PLPP4: variants seen among roughly 807,000 people sequenced by gnomAD.
The protein encoded by PLPP4 is diacylglycerol pyrophosphate like 2.
In PLPP4, 20 loss-of-function variants were observed where a neutral mutation model predicts 32.2. The observed-to-expected ratio is 0.62, with a 90% CI of 0.44 to 0.90. The LOEUF is 0.90. Among genes scored for constraint, PLPP4 ranks in the 40% least tolerant of loss-of-function variants. The pLI is 0.00. For missense variants in PLPP4, 257 were observed against 353.1 expected (o/e 0.73, Z 2.18); for synonymous variants, 127 against 133.0 (o/e 0.95, Z 0.31).
At chr10:120,499,511 G>A (rs1258590382) in intron 1 of PLPP4, among the ~76,000 whole-genome samples, 1 of 151,902 alleles carries the variant, frequency 6.6e-6, no homozygotes, top group African/African-American at 2.4e-5. Context: ...GATCCCCTGG[G>A]GATCATGTTA....
intron 5 of PLPP4, among the ~76,000 whole-genome samples, chr10:120,544,702 C>T (rs942730254): frequency 2.6e-5 from 4 of 152,208 alleles, no homozygotes; most frequent in Non-Finnish European, 4.4e-5. Flanking sequence ...CAGCCCAGCA[C>T]GTTGTATGTG....
At chr10:120,577,496 T>C (rs1453309406) in intron 6 of PLPP4, among the ~76,000 whole-genome samples, 1 of 152,200 alleles carries the variant, frequency 6.6e-6, no homozygotes, top group Non-Finnish European at 1.5e-5. Context: ...CTGCAGCTGG[T>C]GTACCCAAGG....
intron 5 of PLPP4, among the ~76,000 whole-genome samples, chr10:120,544,550 C>T (rs553261734): frequency 8.3e-4 from 126 of 152,306 alleles, no homozygotes; most frequent in African/African-American, 2.9e-3. Flanking sequence ...CTCCCATACA[C>T]AGACTCTCCT....
intron 5 of PLPP4, among the ~76,000 whole-genome samples, chr10:120,531,264 C>T (rs1290066328): frequency 6.6e-6 from 1 of 151,842 alleles, no homozygotes; most frequent in Non-Finnish European, 1.5e-5. Context: ...TGCCACCACG[C>T]CCAGCTAATT....
Position 120,459,420 on chromosome 10 carries a change from C to T in PLPP4, c.56+2059C>T, listed in dbSNP as rs550651769. 2.6e-5 allele frequency among the ~76,000 whole-genome samples: 4 copies of T among 152,310 alleles called. No individual in the cohort carries two copies. In the East Asian group the frequency reaches 7.7e-4, roughly 29 times the overall value. ...GCTGTTAGTATCAGGCATGTACCGA[C>T]TTCTGGGAGGACGGCTGGGAGCATG... On this transcript the variant is annotated intron_variant, in intron 1 of 6. Transcript: ENST00000398250.
intron 1 of PLPP4, among the ~76,000 whole-genome samples, chr10:120,466,034 A>G (rs1848292610): frequency 6.6e-6 from 1 of 152,072 alleles, no homozygotes; most frequent in African/African-American, 2.4e-5. Context: ...TTGTAGGTAT[A>G]TACATACGGG....
intron 5 of PLPP4, among the ~76,000 whole-genome samples, chr10:120,524,705 G>A (rs1447673758): frequency 7.9e-5 from 12 of 152,194 alleles, no homozygotes; most frequent in Admixed American, 7.9e-4. Context: ...GGCTTGCTCT[G>A]TAAGGCAGCC....
At chr10:120,508,348 A>G (rs1275103787) in intron 2 of PLPP4, among the ~76,000 whole-genome samples, 1 of 152,164 alleles carries the variant, frequency 6.6e-6, no homozygotes, top group African/African-American at 2.4e-5. Flanking sequence ...AGTTGTCTTT[A>G]TAATCACCCT....
intron 5 of PLPP4, among the ~76,000 whole-genome samples, chr10:120,552,414 TATC>T (rs1847953022): frequency 6.6e-6 from 1 of 152,178 alleles, no homozygotes; most frequent in Non-Finnish European, 1.5e-5. Flanking sequence ...CAGGGTGGTA[TATC>T]ATCATCCCTC....
chr10:120,581,325 C>T lies in PLPP4; in HGVS notation c.616+6024C>T, dbSNP rs1849499255. 4 of 984,192 alleles carry T rather than the reference C, an allele frequency of 4.1e-6. No homozygotes were observed. The South Asian group carries it at 1.4e-4, about 35-fold the overall frequency. The allele number at this position is 984,192 out of a possible 1,614,324, so 61.0% of individuals were successfully genotyped here. A position where few individuals can be genotyped will look rare whatever the true frequency, so the allele number is the denominator to read the frequency against. ...ATTTATAGACTCCAACTTTTCCTTCCCACTCTGGTCTAGTGATCCTCAGTT... is the reference window on the plus strand; with the variant it reads ...ATTTATAGACTCCAACTTTTCCTTCTCACTCTGGTCTAGTGATCCTCAGTT... On this transcript the variant is annotated intron_variant, in intron 6 of 6. Coordinates refer to ENST00000398250, the MANE Select transcript of PLPP4 (RefSeq NM_001030059.3).
At chr10:120,526,973 C>T (rs1027815614) in intron 5 of PLPP4, among the ~76,000 whole-genome samples, 10 of 152,060 alleles carry the variant, frequency 6.6e-5, no homozygotes, top group African/African-American at 2.4e-4. Context: ...CACCTGCTTC[C>T]CATCTTCATA....
chr10:120,524,119 G>A (rs1303240648), intron 5 of PLPP4, among the ~76,000 whole-genome samples: 2 of 152,116 alleles, frequency 1.3e-5, no homozygotes, highest in Non-Finnish European at 2.9e-5. Context: ...TTACTACCTG[G>A]CAGACATGGA....
intron 1 of PLPP4, among the ~76,000 whole-genome samples, chr10:120,501,903 G>A (rs1459546910): frequency 6.6e-6 from 1 of 152,224 alleles, no homozygotes; most frequent in African/African-American, 2.4e-5. Context: ...CCTGGGTGGG[G>A]AAGCAGCTTG....
intron 5 of PLPP4, among the ~76,000 whole-genome samples, chr10:120,566,185 T>C (rs1848682396): frequency 6.6e-6 from 1 of 152,210 alleles, no homozygotes; most frequent in Admixed American, 6.5e-5. Context: ...AGCCAGTTTT[T>C]CTTATAGGTT....
chr10:120,482,691 T>C (rs1468768330), intron 1 of PLPP4, among the ~76,000 whole-genome samples: 1 of 151,218 alleles, frequency 6.6e-6, no homozygotes, highest in Non-Finnish European at 1.5e-5. Context: ...GATCACGAGG[T>C]CAGGAGATCG....
intron 5 of PLPP4, among the ~76,000 whole-genome samples, chr10:120,527,635 A>G (rs530891288): frequency 1.3e-5 from 2 of 152,282 alleles, no homozygotes; most frequent in Admixed American, 6.5e-5. Context: ...TAAAGTCACA[A>G]ATACCATCAT....
intron 5 of PLPP4, among the ~76,000 whole-genome samples, chr10:120,540,566 C>T (rs1847289245): frequency 6.6e-6 from 1 of 152,186 alleles, no homozygotes; most frequent in Non-Finnish European, 1.5e-5. Flanking sequence ...ATCCTCCTGG[C>T]AGGTGCAACC....
rs73369289 is a variant in PLPP4, at chr10:120,489,961, A to G, written c.57-13857A>G. On this transcript the variant is annotated intron_variant, in intron 1 of 6. Transcript: ENST00000398250. ...CCAGGCACTATTCTAAGTGCTGGGG[A>G]TACAGCTCAGACCACAAGCAGACAA... 9.0e-3 allele frequency among the ~76,000 whole-genome samples: 1,378 copies of G among 152,296 alleles called. 19 individuals are homozygous for G. The highest frequency in any genetic ancestry group is 0.031 in the African/African-American group (1,274 of 41,552).
intron 5 of PLPP4, among the ~76,000 whole-genome samples, chr10:120,535,504 T>A (rs1428715845): frequency 6.6e-6 from 1 of 152,114 alleles, no homozygotes; most frequent in Non-Finnish European, 1.5e-5. Flanking sequence ...TCCTTGTTTT[T>A]TGTGTGTGTG....
Sources: allele counts gnomAD v4.1 joint callset (sites outside exome capture counted in the v4.1 genomes callset), GRCh38; gene constraint gnomAD v4.1.1; transcripts MANE v1.5; gene names NCBI Gene and HGNC (gene_info 2026-07-23, HGNC 2026-07-21).